The following PIP5K1B variants were observed in gnomAD, a reference collection of about 807,000 sequenced individuals.
PIP5K1B encodes phosphatidylinositol-4-phosphate 5-kinase type 1 beta, also known as phosphatidylinositol 4-phosphate 5-kinase type-1 beta.
In PIP5K1B, 42 loss-of-function variants were observed where a neutral mutation model predicts 67.0. That is an observed-to-expected ratio of 0.63 (90% CI 0.49 to 0.81). The LOEUF (loss-of-function observed/expected upper bound fraction) is 0.81. PIP5K1B is among the 30% of genes least tolerant of loss of function. The probability of loss-of-function intolerance (pLI) is 0.00; values close to 1 mark genes in which losing one functional copy is unlikely to be tolerated. For missense variants in PIP5K1B, 459 were observed against 646.3 expected (o/e 0.71, Z 3.14); for synonymous variants, 214 against 231.4 (o/e 0.92, Z 0.68).
At chr9:68,772,883 T>C (rs901994370) in intron 2 of PIP5K1B, among the ~76,000 whole-genome samples, 2 of 152,156 alleles carry the variant, frequency 1.3e-5, no homozygotes, top group Non-Finnish European at 2.9e-5. Flanking sequence ...GCACTGAATA[T>C]GTGAAAAAAG....
chr9:68,863,232 C>G (rs546637272), intron 4 of PIP5K1B, among the ~76,000 whole-genome samples: 15 of 152,178 alleles, frequency 9.9e-5, no homozygotes, highest in Non-Finnish European at 2.1e-4. Flanking sequence ...GGTGAAGAAC[C>G]ACTGATTTAA....
At chr9:68,723,976 A>G (rs1828029120) in intron 1 of PIP5K1B, among the ~76,000 whole-genome samples, 1 of 151,476 alleles carries the variant, frequency 6.6e-6, no homozygotes, top group South Asian at 2.1e-4. Context: ...TTTTCCCAAA[A>G]TTTTTTTCAG....
chr9:68,760,793 A>C (rs1417546783), intron 2 of PIP5K1B, among the ~76,000 whole-genome samples: 1 of 152,104 alleles, frequency 6.6e-6, no homozygotes, highest in Non-Finnish European at 1.5e-5. Context: ...CTAAAAATAA[A>C]TGAGCATATG....
At chr9:68,869,842 A>G (rs938081075) in intron 5 of PIP5K1B, among the ~76,000 whole-genome samples, 5 of 152,182 alleles carry the variant, frequency 3.3e-5, no homozygotes, top group African/African-American at 4.8e-5. Context: ...AAATAAATAA[A>G]AAAGAAAAAG....
chr9:68,898,598 C>T (rs1825207194), intron 8 of PIP5K1B, among the ~76,000 whole-genome samples: 1 of 152,166 alleles, frequency 6.6e-6, no homozygotes, highest in Non-Finnish European at 1.5e-5. Context: ...TCCCAGGTAC[C>T]CCTTCATCTT....
chr9:68,869,245 C>T (rs1043558871), intron 5 of PIP5K1B, among the ~76,000 whole-genome samples: 5 of 152,164 alleles, frequency 3.3e-5, no homozygotes, highest in African/African-American at 7.2e-5. Context: ...GGGCGAGCTC[C>T]GCCTCCTGTC....
intron 4 of PIP5K1B, among the ~76,000 whole-genome samples, chr9:68,837,208 A>G (rs1315749946): frequency 6.6e-6 from 1 of 152,206 alleles, no homozygotes; most frequent in Admixed American, 6.5e-5. Context: ...ACAGCAGTGA[A>G]CACAAGGAAC....
At chr9:69,000,910 C>CT in intron 15 of PIP5K1B, among the ~76,000 whole-genome samples, 1 of 107,170 alleles carries the variant, frequency 9.3e-6, no homozygotes, top group Non-Finnish European at 2.1e-5. Context: ...TTTTTTTTTT[C>CT]TTTTTTTGAT....
At chr9:68,799,027 G>A (rs1016635041) in intron 2 of PIP5K1B, among the ~76,000 whole-genome samples, 25 of 152,230 alleles carry the variant, frequency 1.6e-4, no homozygotes, top group African/African-American at 5.1e-4. Context: ...CATTGAATGA[G>A]ATGGGAAAGT....
intron 4 of PIP5K1B, among the ~76,000 whole-genome samples, chr9:68,827,396 G>A (rs745636316): frequency 1.2e-4 from 18 of 152,304 alleles, no homozygotes; most frequent in Middle Eastern, 3.4e-3. Context: ...TGGCTATAGG[G>A]CATTTGAAAT....
chr9:68,892,467 C>A (rs764337034), intron 7 of PIP5K1B, among the ~76,000 whole-genome samples: 3 of 152,136 alleles, frequency 2.0e-5, no homozygotes, highest in Non-Finnish European at 2.9e-5. Flanking sequence ...AGAAATAGAT[C>A]TATGTGAATT....
At chr9:68,986,626 A>G (rs1051794448) in intron 14 of PIP5K1B, among the ~76,000 whole-genome samples, 3 of 152,232 alleles carry the variant, frequency 2.0e-5, no homozygotes, top group East Asian at 3.8e-4. Context: ...ATTTGATTTT[A>G]TCAAATTTTG....
At chr9:68,726,561 A>G (rs917245241) in intron 1 of PIP5K1B, among the ~76,000 whole-genome samples, 2 of 152,224 alleles carry the variant, frequency 1.3e-5, no homozygotes, top group Non-Finnish European at 2.9e-5. Flanking sequence ...TGGACTAAGC[A>G]TGGCAGACTT....
chr9:68,866,490 T>C (rs1162461392), intron 5 of PIP5K1B, among the ~76,000 whole-genome samples: 1 of 152,018 alleles, frequency 6.6e-6, no homozygotes, highest in Non-Finnish European at 1.5e-5. Context: ...ACATAATAAA[T>C]ATAAAATAGA....
At chr9:68,917,860 A>C in intron 9 of PIP5K1B, 101 bp downstream of exon 9, 1 of 823,424 alleles carries the variant, frequency 1.2e-6, no homozygotes, top group Non-Finnish European at 2.0e-6. Context: ...GACTCTAGGA[A>C]TTAATTTCTA....
At chr9:68,895,120 G>C (rs534132359) in intron 8 of PIP5K1B, among the ~76,000 whole-genome samples, 3 of 152,080 alleles carry the variant, frequency 2.0e-5, no homozygotes, top group Admixed American at 6.5e-5. Flanking sequence ...GATATGAGCA[G>C]CACGTTTGCT....
chr9:68,786,943 C>G (rs181479799), intron 2 of PIP5K1B, among the ~76,000 whole-genome samples: 2 of 152,114 alleles, frequency 1.3e-5, no homozygotes, highest in South Asian at 4.1e-4. Flanking sequence ...GTACCACCCC[C>G]GCATGGACAA....
intron 6 of PIP5K1B, 30 bp from the exon 7 acceptor site, chr9:68,888,951 G>A (rs1248178799): frequency 6.6e-7 from 1 of 1,504,810 alleles, no homozygotes; most frequent in South Asian, 1.1e-5. Flanking sequence ...TCAAGTATAT[G>A]TTTTAATGTT....
chr9:68,930,382 G>T (rs1202695866), intron 12 of PIP5K1B, among the ~76,000 whole-genome samples: 1 of 151,806 alleles, frequency 6.6e-6, no homozygotes, highest in Non-Finnish European at 1.5e-5. Flanking sequence ...TCTCTACCTG[G>T]GTCCACGTCT....
Sources: allele counts gnomAD v4.1 joint callset (sites outside exome capture counted in the v4.1 genomes callset), GRCh38; gene constraint gnomAD v4.1.1; transcripts MANE v1.5; gene names NCBI Gene and HGNC (gene_info 2026-07-23, HGNC 2026-07-21).